Variants in DDX19B observed in about 807,000 individuals in gnomAD.
DDX19B encodes DEAD-box helicase 19B, also known as ATP-dependent RNA helicase DDX19B.
Under a neutral mutation model 58.1 loss-of-function variants are expected in DDX19B, and 27 were observed. The observed-to-expected ratio is 0.46, with a 90% CI of 0.34 to 0.64. The LOEUF (loss-of-function observed/expected upper bound fraction) is 0.64. Ranked by LOEUF, DDX19B falls within the 30% of genes least tolerant of loss-of-function variation. The pLI is 0.01. For missense variants in DDX19B, 399 were observed against 596.5 expected (o/e 0.67, Z 3.45); for synonymous variants, 187 against 214.4 (o/e 0.87, Z 1.12).
At chr16:70,328,278 A>G (rs1263525342) in intron 7 of DDX19B, among the ~76,000 whole-genome samples, 1 of 152,132 alleles carries the variant, frequency 6.6e-6, no homozygotes, top group Non-Finnish European at 1.5e-5. Context: ...TGAAAAGTAA[A>G]TAATACAGTG....
At chr16:70,327,043 C>T (rs1452251812) in intron 7 of DDX19B, among the ~76,000 whole-genome samples, 8 of 150,184 alleles carry the variant, frequency 5.3e-5, no homozygotes, top group Admixed American at 4.6e-4. Context: ...ACTGTGTTAG[C>T]CAGGATGGTC....
rs1297975626 is a variant in DDX19B at position 70,299,280 on chromosome 16, C to T, written c.-18C>T. On this transcript the variant is annotated 5_prime_UTR_variant, in exon 1 of 12. Coordinates refer to ENST00000288071, the MANE Select transcript of DDX19B (RefSeq NM_007242.7). ...CCTCGAATCCACCAGCACGAGCGTC[C>T]CACCCGCGCCTGGGACCATGGCCAC... The T allele has an allele frequency of 1.3e-6, 2 of 1,566,612 alleles. No individual in the cohort carries two copies. The highest frequency in any genetic ancestry group is 2.4e-5 in the South Asian group (2 of 84,570).
chr16:70,294,878 C>T (rs1961164041), upstream of DDX19B: 4 of 1,525,772 alleles, frequency 2.6e-6, no homozygotes, highest in Non-Finnish European at 3.5e-6. Flanking sequence ...TCCAAGATCG[C>T]GCCCTGCGGC....
chr16:70,307,713 G>T (rs1158964433), intron 1 of DDX19B, among the ~76,000 whole-genome samples: 2 of 150,570 alleles, frequency 1.3e-5, no homozygotes, highest in Non-Finnish European at 3.0e-5. Flanking sequence ...ATGTGTGTGT[G>T]TGTATATATG....
chr16:70,328,641 G>A (rs940168911), intron 7 of DDX19B, among the ~76,000 whole-genome samples: 18 of 151,798 alleles, frequency 1.2e-4, no homozygotes, highest in South Asian at 8.3e-4. Context: ...GGGATTACAG[G>A]CATGAGCCAC....
upstream of DDX19B, chr16:70,299,039 A>G: frequency 1.1e-6 from 1 of 876,780 alleles, no homozygotes; most frequent in Non-Finnish European, 1.5e-6. Flanking sequence ...ATTTTAAGAT[A>G]ACTACCTCAG....
upstream of DDX19B, among the ~76,000 whole-genome samples, chr16:70,290,234 C>A (rs1372271838): frequency 2.0e-5 from 3 of 152,006 alleles, no homozygotes; most frequent in African/African-American, 7.2e-5. Flanking sequence ...TAGACCCTGT[C>A]TCTACGAAAA....
At chr16:70,294,666 C>G (rs1012105014), upstream of DDX19B, 2 of 457,892 alleles carry the variant, frequency 4.4e-6, no homozygotes, top group South Asian at 4.6e-5. Context: ...AAACAAAGCC[C>G]TCTGCGGGAG....
chr16:70,329,481 G>A lies in DDX19B; in HGVS notation c.785+12G>A, dbSNP rs1221623226. On this transcript the variant is annotated intron_variant, in intron 8 of 11. Transcript: ENST00000288071. ...ATCCGCATCCAGAGGTAGGGATCTC[G>A]AGGGTGGGGGACTCCTCAGATTCCC... 7 of 1,613,388 alleles carry A rather than the reference G, an allele frequency of 4.3e-6. No individual in the cohort carries two copies. The highest frequency in any genetic ancestry group is 2.2e-5 in the East Asian group (1 of 44,872).
upstream of DDX19B, among the ~76,000 whole-genome samples, chr16:70,298,352 G>A (rs1961310603): frequency 6.6e-6 from 1 of 151,936 alleles, no homozygotes; most frequent in Non-Finnish European, 1.5e-5. Flanking sequence ...GTTGCAGTGA[G>A]CCGAAATCGT....
At chr16:70,316,821 A>G (rs1962445500) in intron 4 of DDX19B, among the ~76,000 whole-genome samples, 1 of 152,198 alleles carries the variant, frequency 6.6e-6, no homozygotes, top group South Asian at 2.1e-4. Context: ...CTGTAATCCC[A>G]GCACTTTGAG....
intron 2 of DDX19B, among the ~76,000 whole-genome samples, chr16:70,313,726 A>G (rs996645112): frequency 2.0e-5 from 3 of 152,316 alleles, no homozygotes; most frequent in Non-Finnish European, 4.4e-5. Context: ...CAGGAAGGAA[A>G]TGTAACATTT....
At chr16:70,325,817 A>C (rs1328521630) in intron 7 of DDX19B, 129 bp downstream of exon 7, 8 of 754,560 alleles carry the variant, frequency 1.1e-5, no homozygotes, top group Non-Finnish European at 1.5e-5. Context: ...TCAAAAACTT[A>C]ACATTTTGCC....
chr16:70,290,106 A>G (rs1482949372), upstream of DDX19B: 3 of 203,694 alleles, frequency 1.5e-5, no homozygotes, highest in African/African-American at 7.0e-5. Context: ...ATATATATAC[A>G]TATACATATA....
intron 2 of DDX19B, among the ~76,000 whole-genome samples, chr16:70,313,815 A>G (rs1462779429): frequency 6.6e-6 from 1 of 152,198 alleles, no homozygotes; most frequent in East Asian, 1.9e-4. Flanking sequence ...AATTTATATT[A>G]ATCAATTTAT....
At chr16:70,292,104 A>C (rs1241033974), upstream of DDX19B, among the ~76,000 whole-genome samples, 2 of 152,240 alleles carry the variant, frequency 1.3e-5, no homozygotes, top group Admixed American at 1.3e-4. Context: ...GTGAGCTGAG[A>C]TCTCGCGACT....
chr16:70,314,908 T>C lies in DDX19B; in HGVS notation c.113T>C (p.Val38Ala). 6.2e-7 allele frequency: 1 copy of C among 1,609,388 alleles called. No homozygotes were observed. The highest frequency in any genetic ancestry group is 1.3e-5 in the African/African-American group (1 of 74,856). Residue 38 changes from valine (V) to alanine (A), a missense_variant, in exon 3 of 12, where the codon GTT (valine) becomes GCT (alanine). Around this residue, in one of 4 missense-constraint regions of DDX19B, gnomAD observed 132 missense variants for 159.4 expected, o/e 0.83. Transcript: ENST00000288071. ...CCACTTTGTGTCTATAAAGGTGCTG[T>C]TGTCAAGACCAATGCCAATGCAGAG... ...EKIKPDTNGA[V>A]VKTNANAEKT...
chr16:70,297,931 T>C (rs1026697294), upstream of DDX19B, among the ~76,000 whole-genome samples: 1 of 152,152 alleles, frequency 6.6e-6, no homozygotes, highest in Non-Finnish European at 1.5e-5. Flanking sequence ...CGCTATGTTG[T>C]TGTTTTCAAA....
upstream of DDX19B, among the ~76,000 whole-genome samples, chr16:70,291,989 A>C (rs1250972284): frequency 6.6e-6 from 1 of 151,934 alleles, no homozygotes; most frequent in Non-Finnish European, 1.5e-5. Context: ...TAAAAAAAAA[A>C]AATTCTTTTT....
Sources: gnomAD v4.1 joint callset for allele counts (sites outside exome capture counted in the v4.1 genomes callset) on GRCh38, gnomAD v4.1.1 for gene constraint, gnomAD v4.1.1 regional missense constraint, MANE v1.5 for transcripts, NCBI Gene and HGNC (gene_info 2026-07-23, HGNC 2026-07-21) for gene names.